ERO1B: variants seen among roughly 807,000 people sequenced by gnomAD.
ERO1B encodes the protein ERO1-like protein beta.
In ERO1B, 49 loss-of-function variants were observed where a neutral mutation model predicts 75.3. The ratio of observed to expected loss-of-function variants is 0.65; its 90% CI spans 0.52 to 0.83. The LOEUF is 0.83. ERO1B is among the 40% of genes least tolerant of loss of function. The pLI is 0.00. For missense variants in ERO1B, 512 were observed against 560.1 expected (o/e 0.91, Z 0.87); for synonymous variants, 191 against 192.9 (o/e 0.99, Z 0.08).
chr1:236,272,777 A>C (rs937538460), intron 1 of ERO1B, among the ~76,000 whole-genome samples: 2 of 152,166 alleles, frequency 1.3e-5, no homozygotes, highest in South Asian at 4.1e-4. Context: ...TGCATCCCTA[A>C]ACAATATGCT....
Position 236,226,673 on chromosome 1 carries a change from T to A in ERO1B, c.779A>T (p.His260Leu). 6.2e-7 allele frequency: 1 copy of A among 1,612,820 alleles called. No homozygotes were observed. The highest frequency in any genetic ancestry group is 8.5e-7 in the Non-Finnish European group (1 of 1,179,714). ...ISGLHASINL[H>L]LCANYLLEET... Reference sequence around the variant, plus strand: ...TTCCAAAAGATAATTTGCGCATAGATGTAAATTGATGCTAGCATGAAGTCC... The same window carrying A: ...TTCCAAAAGATAATTTGCGCATAGAAGTAAATTGATGCTAGCATGAAGTCC... The change falls in exon 11 of 16, where the codon CAT becomes CTT. Residue 260 changes from histidine to leucine, a missense_variant. Coordinates refer to ENST00000354619, the MANE Select transcript of ERO1B (RefSeq NM_019891.4).
chr1:236,232,779 CA>C, intron 9 of ERO1B, 48 bp downstream of exon 9: 4 of 1,554,064 alleles, frequency 2.6e-6, no homozygotes, highest in Non-Finnish European at 1.7e-6. Flanking sequence ...CTGATTGTTA[CA>C]AAAAATTTCC....
In ERO1B at chr1:236,216,956, C is replaced by T. The variant is rs1226567553; in HGVS notation, c.*1560G>A. On this transcript the variant is annotated 3_prime_UTR_variant, in exon 16 of 16. Transcript: ENST00000354619. ...AACAACTTAACAAAAAATACTACCA[C>T]CATCAACAACAAAACCCCAAGTTTA... is the stretch of plus-strand genomic sequence containing the variant. 1.3e-5 allele frequency: 2 copies of T among 151,838 alleles called. No individual in the cohort carries two copies. Among genetic ancestry groups the T allele is most frequent in the South Asian group, 2.1e-4 (1 of 4,800 alleles). 9.4% of individuals were successfully genotyped at this position (151,838 alleles called of 1,614,324 possible).
At chr1:236,230,611 CAA>C (rs397983348) in intron 9 of ERO1B, among the ~76,000 whole-genome samples, 11 of 58,590 alleles carry the variant, frequency 1.9e-4, no homozygotes, top group African/African-American at 5.1e-4. Flanking sequence ...GACCCTGTCT[CAA>C]AAAAAAAAAA....
intron 2 of ERO1B, among the ~76,000 whole-genome samples, chr1:236,258,771 C>G (rs1044563666): frequency 1.3e-5 from 2 of 152,138 alleles, no homozygotes; most frequent in African/African-American, 4.8e-5. Flanking sequence ...CACCTGTAAT[C>G]CCAGCTACTC....
chr1:236,239,835 G>GTATATATATATATGTGTATATATA (rs764354290), intron 6 of ERO1B, among the ~76,000 whole-genome samples: 4 of 42,346 alleles, frequency 9.4e-5, no homozygotes, highest in South Asian at 7.7e-4. Context: ...GTATATATAT[G>GTATATATATATATGTGTATATATA]TGTATATATA....
intron 2 of ERO1B, among the ~76,000 whole-genome samples, chr1:236,257,634 C>A (rs1665189640): frequency 6.7e-6 from 1 of 149,408 alleles, no homozygotes. Context: ...ATTTACCTAA[C>A]AGGACATTTA....
intron 3 of ERO1B, among the ~76,000 whole-genome samples, chr1:236,252,859 C>A (rs952326522): frequency 6.6e-6 from 1 of 151,974 alleles, no homozygotes; most frequent in Non-Finnish European, 1.5e-5. Flanking sequence ...GAAAACAAAG[C>A]TTACAACTAA....
At chr1:236,250,621 A>C (rs1665002079) in intron 4 of ERO1B, among the ~76,000 whole-genome samples, 2 of 64,070 alleles carry the variant, frequency 3.1e-5, no homozygotes, top group African/African-American at 4.8e-5. Flanking sequence ...ATATATATCA[A>C]ACGTGTGTGT....
At chr1:236,257,560 CA>C (rs57151086) in intron 2 of ERO1B, among the ~76,000 whole-genome samples, 5,327 of 125,378 alleles carry the variant, frequency 0.042, 170 homozygotes, top group Middle Eastern at 0.1. Context: ...AAATATGCTC[CA>C]AAAAAAAAAA....
intron 15 of ERO1B, among the ~76,000 whole-genome samples, chr1:236,219,948 C>T (rs1294654702): frequency 6.7e-6 from 1 of 149,864 alleles, no homozygotes; most frequent in Non-Finnish European, 1.5e-5. Flanking sequence ...CGCCTGACCC[C>T]AGGATTTGGA....
intron 5 of ERO1B, among the ~76,000 whole-genome samples, chr1:236,245,322 ACACACACGTATATATATACG>A (rs1418728637): frequency 2.8e-3 from 26 of 9,270 alleles, no homozygotes; most frequent in African/African-American, 4.3e-3. Context: ...ATATATATAT[ACACACACGTATATATATACG>A]TATATATATA....
chr1:236,248,752 A>G (rs557768337), intron 5 of ERO1B, among the ~76,000 whole-genome samples: 1 of 152,266 alleles, frequency 6.6e-6, no homozygotes, highest in East Asian at 1.9e-4. Context: ...CTGGATATAC[A>G]CCAACTAATT....
At chr1:236,267,538 A>G (rs1321068577) in intron 2 of ERO1B, among the ~76,000 whole-genome samples, 3 of 152,188 alleles carry the variant, frequency 2.0e-5, no homozygotes, top group Admixed American at 6.5e-5. Flanking sequence ...GGGACATAAC[A>G]TTATGTAGAG....
At chr1:236,232,697 C>A (rs1227174305) in intron 9 of ERO1B, 131 bp downstream of exon 9, 2 of 595,354 alleles carry the variant, frequency 3.4e-6, no homozygotes, top group Non-Finnish European at 5.5e-6. Flanking sequence ...TTTTGGTCAC[C>A]ATTCATTAGT....
At chr1:236,244,843 G>A (rs548539396) in intron 5 of ERO1B, among the ~76,000 whole-genome samples, 2 of 152,058 alleles carry the variant, frequency 1.3e-5, no homozygotes, top group African/African-American at 2.4e-5. Flanking sequence ...TTTGAAGATG[G>A]ATGCAACACT....
At chr1:236,244,178 G>C (rs1420566145) in intron 5 of ERO1B, among the ~76,000 whole-genome samples, 1 of 152,058 alleles carries the variant, frequency 6.6e-6, no homozygotes, top group African/African-American at 2.4e-5. Flanking sequence ...CTATCAGAGA[G>C]GCATCATTTT....
intron 13 of ERO1B, 131 bp from the exon 14 acceptor site, chr1:236,222,141 G>C (rs1664163725): frequency 2.7e-6 from 2 of 740,536 alleles, no homozygotes; most frequent in Non-Finnish European, 4.5e-6. Flanking sequence ...AAGGAGTTTT[G>C]CTTTGTCGCC....
At chr1:236,244,722 C>G (rs1228411304) in intron 5 of ERO1B, among the ~76,000 whole-genome samples, 1 of 152,016 alleles carries the variant, frequency 6.6e-6, no homozygotes, top group Non-Finnish European at 1.5e-5. Flanking sequence ...TGCCTAAGCC[C>G]GAAAAAACAT....
Sources: allele counts gnomAD v4.1 joint callset (sites outside exome capture counted in the v4.1 genomes callset), GRCh38; gene constraint gnomAD v4.1.1; transcripts MANE v1.5; gene names NCBI Gene and HGNC (gene_info 2026-07-23, HGNC 2026-07-21).